EMC2: variants seen among roughly 807,000 people sequenced by gnomAD.
EMC2 encodes TPR repeat protein 35.
In EMC2, 37 loss-of-function variants were observed where a neutral mutation model predicts 51.6. The observed-to-expected ratio is 0.72, with a 90% CI of 0.55 to 0.94. The LOEUF is 0.94. Ranked by LOEUF, EMC2 falls within the 40% of genes least tolerant of loss-of-function variation. The pLI, the probability that EMC2 is intolerant of heterozygous loss-of-function variation, is 0.00. For synonymous variants in EMC2, 131 were observed against 112.4 expected, an observed-to-expected ratio of 1.17 and a Z score of -1.04; for missense variants, 359 against 350.9, an observed-to-expected ratio of 1.02 and a Z score of -0.18.
intron 3 of EMC2, among the ~76,000 whole-genome samples, chr8:108,451,079 T>G (rs1357489995): frequency 6.6e-6 from 1 of 152,024 alleles, no homozygotes; most frequent in Non-Finnish European, 1.5e-5. Flanking sequence ...GGAGCGTGCC[T>G]CTAGTCCCAG....
chr8:108,457,434 A>T (rs1819198179), intron 5 of EMC2, among the ~76,000 whole-genome samples: 1 of 151,922 alleles, frequency 6.6e-6, no homozygotes, highest in Non-Finnish European at 1.5e-5. Flanking sequence ...CTACTGATAA[A>T]GACATACCTG....
chr8:108,475,661 T>C lies in EMC2; in HGVS notation c.510-221T>C, dbSNP rs1810933708. 9.0e-6 allele frequency: 4 copies of C among 445,824 alleles called. No individual in the cohort carries two copies. In the Admixed American group the frequency reaches 1.8e-4, roughly 20 times the overall value. The allele number at this position is 445,824 out of a possible 1,614,324, so 27.6% of individuals were successfully genotyped here. A position where few individuals can be genotyped will look rare whatever the true frequency, so the allele number is the denominator to read the frequency against. ...TATCTATTGATTGTTTGCAGGCTGC[T>C]TTAAGATTTAAGCCTGTGTTTATTA... is the stretch of plus-strand genomic sequence containing the variant. On this transcript the variant is annotated intron_variant, in intron 7 of 10. Coordinates refer to ENST00000220853, the MANE Select transcript of EMC2 (RefSeq NM_014673.5).
At chr8:108,449,383 C>T (rs2130332810) in intron 1 of EMC2, among the ~76,000 whole-genome samples, 1 of 152,038 alleles carries the variant, frequency 6.6e-6, no homozygotes, top group African/African-American at 2.4e-5. Context: ...AGCGATTCTC[C>T]TGCCTCAGCC....
intron 5 of EMC2, among the ~76,000 whole-genome samples, chr8:108,465,364 C>T (rs1819442612): frequency 6.6e-6 from 1 of 152,142 alleles, no homozygotes; most frequent in Non-Finnish European, 1.5e-5. Flanking sequence ...ATCACAATAA[C>T]CTTTATGCTC....
Position 108,479,056 on chromosome 8 carries a change from G to C in EMC2, c.753G>C (p.Lys251Asn). The C allele has an allele frequency of 6.3e-7, 1 of 1,590,516 alleles. No homozygotes were observed. ...CAAAAGCAAGTGCAAAAACGAAAAA[G>C]GACAACATGAAATATGCTAGTTGGG... The part of the protein sequence containing the change: ...SNPKASAKTK[K>N]DNMKYASWAA... Residue 251 changes from lysine (K) to asparagine (N), a missense_variant, in exon 10 of 11, where the codon AAG becomes AAC. Coordinates refer to ENST00000220853, the MANE Select transcript of EMC2 (RefSeq NM_014673.5).
chr8:108,484,805 T>C (rs1811105490), intron 10 of EMC2, among the ~76,000 whole-genome samples: 1 of 151,980 alleles, frequency 6.6e-6, no homozygotes, highest in South Asian at 2.1e-4. Context: ...AGTGAATTTA[T>C]TAACTGGATA....
chr8:108,456,001 T>TGGAA, intron 5 of EMC2, 71 bp downstream of exon 5: 1 of 573,844 alleles, frequency 1.7e-6, no homozygotes, highest in Non-Finnish European at 3.0e-6. Flanking sequence ...GAGGAAATAA[T>TGGAA]AGATACATAA....
rs536170773 is a variant in EMC2 at position 108,457,535 on chromosome 8, G to A, written c.363+1605G>A. Among the ~76,000 whole-genome samples the A allele has an allele frequency of 3.3e-5, 5 of 152,198 alleles. No homozygotes were observed. The South Asian group carries it at 1.0e-3, about 32-fold the overall frequency. On this transcript the variant is annotated intron_variant, in intron 5 of 10. Transcript: ENST00000220853. ...TCACAATCATAACAAAAGGCAAGGAGGAACAAGTTAAATCTACTGTAGATG... is the reference window on the plus strand; with the variant it reads ...TCACAATCATAACAAAAGGCAAGGAAGAACAAGTTAAATCTACTGTAGATG...
intron 10 of EMC2, among the ~76,000 whole-genome samples, chr8:108,484,376 ACTTT>A (rs1811098697): frequency 6.6e-6 from 1 of 152,002 alleles, no homozygotes; most frequent in Non-Finnish European, 1.5e-5. Flanking sequence ...TGTATTTCCA[ACTTT>A]CTTTTATTTG....
chr8:108,470,186 C>T, intron 7 of EMC2, 65 bp downstream of exon 7: 3 of 1,107,086 alleles, frequency 2.7e-6, no homozygotes, highest in Non-Finnish European at 4.1e-6. Flanking sequence ...TCAGAAAGCA[C>T]TGTGGTTTCC....
chr8:108,445,989 C>G (rs1818869836), intron 1 of EMC2, among the ~76,000 whole-genome samples: 1 of 152,122 alleles, frequency 6.6e-6, no homozygotes, highest in South Asian at 2.1e-4. Context: ...ACCACCCTTT[C>G]CAAAAGCTCC....
At chr8:108,451,245 T>G (rs1247923348) in intron 3 of EMC2, among the ~76,000 whole-genome samples, 1 of 152,096 alleles carries the variant, frequency 6.6e-6, no homozygotes, top group Non-Finnish European at 1.5e-5. Flanking sequence ...AATACTGCTT[T>G]TAAAATAACA....
chr8:108,489,080 T>C lies in EMC2; in HGVS notation c.*2482T>C, dbSNP rs1244721081. ...TTTCAGAGATAGAACTGAAGGAGGA[T>C]TAAGGGGATCCTGGGTCCCTGATAT... On this transcript the variant is annotated 3_prime_UTR_variant, in exon 11 of 11. Coordinates refer to ENST00000220853, the MANE Select transcript of EMC2 (RefSeq NM_014673.5). Among the ~76,000 whole-genome samples the C allele has an allele frequency of 5.3e-5, 8 of 152,124 alleles. No homozygotes were observed. The highest frequency in any genetic ancestry group is 4.6e-4 in the Admixed American group (7 of 15,270).
At position 108,487,279 on chromosome 8, in the gene EMC2, A is replaced by G. The variant is rs1811160372; in HGVS notation, c.*681A>G. On this transcript the variant is annotated 3_prime_UTR_variant, in exon 11 of 11. Coordinates refer to ENST00000220853, the MANE Select transcript of EMC2 (RefSeq NM_014673.5). ...GTTACGACACTTTAACTTTTATGCA[A>G]GTTATATTTATTGAATCCTTTAATA... is the stretch of plus-strand genomic sequence containing the variant. Among the ~76,000 whole-genome samples, 1 of 152,088 alleles carries G rather than the reference A, an allele frequency of 6.6e-6. No individual in the cohort carries two copies. Among genetic ancestry groups the G allele is most frequent in the Non-Finnish European group, 1.5e-5 (1 of 67,954 alleles).
chr8:108,487,085 A>G lies in EMC2; in HGVS notation c.*487A>G, dbSNP rs1811156169. On this transcript the variant is annotated 3_prime_UTR_variant, in exon 11 of 11. Coordinates refer to ENST00000220853, the MANE Select transcript of EMC2 (RefSeq NM_014673.5). ...ATTGTCGAATTGGATTTTGCTGTAC[A>G]TTCCAGTGGGCTATTTGAATTGTTT... Among the ~76,000 whole-genome samples the G allele has an allele frequency of 6.6e-6, 1 of 152,100 alleles. No homozygotes were observed. The highest frequency in any genetic ancestry group is 6.6e-5 in the Admixed American group (1 of 15,266).
At position 108,455,804 on chromosome 8, in the gene EMC2, C is replaced by G. The variant is rs1389340974; in HGVS notation, c.306-69C>G. The stretch of plus-strand genomic sequence containing the variant: ...ATATTAAAGCCAGTTTAATTTTTTT[C>G]TGTATTTACTATTTATCACTATATT... On this transcript the variant is annotated intron_variant, in intron 4 of 10. Transcript: ENST00000220853. 7.1e-6 allele frequency: 4 copies of G among 560,926 alleles called. No individual in the cohort carries two copies. The East Asian group carries it at 1.5e-4, about 21-fold the overall frequency. 34.7% of individuals were successfully genotyped at this position (560,926 alleles called of 1,614,324 possible).
At chr8:108,451,804 CTTTATAATGGTTAAGATTA>C (rs1819029991) in intron 3 of EMC2, among the ~76,000 whole-genome samples, 2 of 152,084 alleles carry the variant, frequency 1.3e-5, no homozygotes, top group African/African-American at 4.8e-5. Context: ...TAAACAGTAA[CTTTATAATGGTTAAGATTA>C]TTTATACAGT....
At chr8:108,474,507 A>G (rs966596369) in intron 7 of EMC2, 4 of 151,862 alleles carry the variant, frequency 2.6e-5, no homozygotes, top group African/African-American at 7.3e-5. Flanking sequence ...TAGGTTTTGA[A>G]TTTAAAAATG....
At position 108,443,691 on chromosome 8, in the gene EMC2, T is replaced by C. The variant is rs1408031872; in HGVS notation, c.33T>C (p.Thr11=). 1 of 1,610,116 alleles carries C rather than the reference T, an allele frequency of 6.2e-7. No individual in the cohort carries two copies. Among genetic ancestry groups the C allele is most frequent in the Admixed American group, 1.7e-5 (1 of 59,592 alleles). The part of the protein sequence containing the change: MAKVSELYDV[T]WEEMRDKMRK... ...AGGTCTCAGAGCTTTACGATGTCAC[T>C]TGGGAAGGTAACTTCGGGTGGGGGC... Residue 11 remains threonine, a synonymous_variant, in exon 1 of 11, where the codon ACT becomes ACC. Transcript: ENST00000220853.
Sources: gnomAD v4.1 joint callset for allele counts (sites outside exome capture counted in the v4.1 genomes callset) on GRCh38, gnomAD v4.1.1 for gene constraint, MANE v1.5 for transcripts, NCBI Gene and HGNC (gene_info 2026-07-23, HGNC 2026-07-21) for gene names.